The following TAAR9 variants were observed in gnomAD, a reference collection of about 807,000 sequenced individuals.
TAAR9 encodes trace amine associated receptor 9, also known as trace amine-associated receptor 9.
For missense variants in TAAR9, 453 were observed against 409.4 expected (o/e 1.11, Z -0.92); for synonymous variants, 162 against 152.6 (o/e 1.06, Z -0.45).
chr6:132,539,291 T>C (rs1310242640), exon 1 of TAAR9: 1 of 1,612,448 alleles, frequency 6.2e-7, no homozygotes, highest in Non-Finnish European at 8.5e-7. Context: ...TAAGGACTGA[T>C]TCGTCAACAA....
chr6:132,538,843 C>T (rs754573179), exon 1 of TAAR9: 1 of 1,613,694 alleles, frequency 6.2e-7, no homozygotes, highest in African/African-American at 1.3e-5. Context: ...GTTGCTCTAA[C>T]CTGTGTAGGA....
exon 1 of TAAR9, chr6:132,538,787 G>T (rs200294954): frequency 6.2e-7 from 1 of 1,613,736 alleles, no homozygotes; most frequent in East Asian, 2.2e-5. Context: ...ACAGCTTTTC[G>T]ATCTTTTACA....
chr6:132,538,940 C>T, exon 1 of TAAR9: 3 of 1,562,354 alleles, frequency 1.9e-6, no homozygotes, highest in Non-Finnish European at 2.6e-6. Flanking sequence ...TGTTTATATA[C>T]AGTAAGATAT....
Position 132,538,860 on chromosome 6 carries a change from C to T in TAAR9, c.571C>T (p.Gln191Ter). 3 of 1,613,188 alleles carry T rather than the reference C, an allele frequency of 1.9e-6. No individual in the cohort carries two copies. The highest frequency in any genetic ancestry group is 2.5e-6 in the Non-Finnish European group (3 of 1,179,650). ...TGCTCTAACCTGTGTAGGAGGCTGC[C>T]AGGCTCCACTGAATCAAAACTGGGT... is the stretch of plus-strand genomic sequence containing the variant. The change falls in exon 1 of 1, where the codon CAG becomes TAG. Residue 191 changes from glutamine (Q) to a stop codon, truncating the protein, a stop_gained. Coordinates refer to ENST00000434551, the Ensembl canonical transcript of TAAR9. LOFTEE classifies it low-confidence loss of function (END_TRUNC).
At chr6:132,538,615 C>T in exon 1 of TAAR9, 1 of 1,588,888 alleles carries the variant, frequency 6.3e-7, no homozygotes, top group Non-Finnish European at 8.6e-7. Context: ...AAATTCCATA[C>T]ATGTTTTGAC....
At chr6:132,538,982 A>G (rs989086350) in exon 1 of TAAR9, 5 of 1,536,306 alleles carry the variant, frequency 3.3e-6, no homozygotes, top group Non-Finnish European at 3.5e-6. Flanking sequence ...CTAGGAAGAT[A>G]GAAAGTACAG....
In TAAR9 at chr6:132,538,404, C is replaced by G. The variant is rs765531016; in HGVS notation, c.115C>G (p.Leu39Val). 6.8e-6 allele frequency: 11 copies of G among 1,613,794 alleles called. No homozygotes were observed. Among genetic ancestry groups the G allele is most frequent in the Non-Finnish European group, 9.3e-6 (11 of 1,179,824 alleles). ...TCCTCGATCTATCCTCTACGCCGTC[C>G]TTGGTTTTGGGGCTGTGCTGGCAGC... is the stretch of plus-strand genomic sequence containing the variant. Residue 39 changes from leucine to valine, a missense_variant, in exon 1 of 1, where the codon CTT becomes GTT. By Grantham distance (32) the Leu-to-Val change is conservative. Coordinates refer to ENST00000434551, the Ensembl canonical transcript of TAAR9.
chr6:132,538,694 T>C, exon 1 of TAAR9: 1 of 1,613,324 alleles, frequency 6.2e-7, no homozygotes, highest in South Asian at 1.1e-5. Flanking sequence ...TTGCTGTTAC[T>C]GATCCTCTGA....
chr6:132,538,904 A>G, exon 1 of TAAR9: 3 of 1,606,026 alleles, frequency 1.9e-6, no homozygotes, highest in Non-Finnish European at 2.5e-6. Context: ...GTTTTCTTCT[A>G]TTCTTTATAC....
chr6:132,539,001 GCTCAGTCCTC>G lies in TAAR9; in HGVS notation c.718_727del (p.Ser240ArgfsTer7). 1 of 1,532,328 alleles carries G rather than the reference GCTCAGTCCTC, an allele frequency of 6.5e-7. No homozygotes were observed. The highest frequency in any genetic ancestry group is 1.3e-5 in the South Asian group (1 of 75,262). 94.9% of individuals were successfully genotyped at this position (1,532,328 alleles called of 1,614,324 possible). A position where few individuals can be genotyped will look rare whatever the true frequency, so the allele number is the denominator to read the frequency against. On this transcript the variant is annotated frameshift_variant, in exon 1 of 1. Coordinates refer to ENST00000434551, the Ensembl canonical transcript of TAAR9. LOFTEE classifies it low-confidence loss of function (END_TRUNC). ...GAAGATAGAAAGTACAGCCAGCCAAGCTCAGTCCTCCTCAGAGAGTTACAAGGAAAGAGTA... is the reference window on the plus strand; with the variant it reads ...GAAGATAGAAAGTACAGCCAGCCAAGCTCAGAGAGTTACAAGGAAAGAGTA...
exon 1 of TAAR9, chr6:132,539,037 G>A: frequency 1.3e-6 from 2 of 1,528,760 alleles, no homozygotes; most frequent in Non-Finnish European, 1.7e-6. Context: ...GGAAAGAGTA[G>A]CAAAAAGAGA....
chr6:132,538,979 G>T, exon 1 of TAAR9: 1 of 1,537,510 alleles, frequency 6.5e-7, no homozygotes, highest in Non-Finnish European at 8.7e-7. Context: ...AGGCTAGGAA[G>T]ATAGAAAGTA....
Position 132,539,293 on chromosome 6 carries a change from C to T in TAAR9, c.1004C>T (p.Ser335Leu), listed in dbSNP as rs61741985. ...AGCGGCAAGGTCTTAAGGACTGATT[C>T]GTCAACAACTAATTTATTTTCTGAA... The change falls in exon 1 of 1, where the codon TCG (serine) becomes TTG (leucine). Residue 335 changes from serine to leucine, a missense_variant. Ser to Leu is a moderately radical substitution (Grantham distance 145). Transcript: ENST00000434551. 5.4e-3 allele frequency: 8,766 copies of T among 1,611,746 alleles called. 344 individuals are homozygous for T. The African/African-American group carries it at 0.095, about 17-fold the overall frequency.
Position 132,538,515 on chromosome 6 carries a change from T to C in TAAR9, c.226T>C (p.Cys76Arg), listed in dbSNP as rs762352256. 1.9e-6 allele frequency: 3 copies of C among 1,612,868 alleles called. No individual in the cohort carries two copies. In the South Asian group the frequency reaches 3.3e-5, roughly 18 times the overall value. The change falls in exon 1 of 1, where the codon TGT (cysteine) becomes CGT (arginine). Residue 76 changes from cysteine (C) to arginine (R), a missense_variant. By Grantham distance (180) the Cys-to-Arg change is radical. Coordinates refer to ENST00000434551, the Ensembl canonical transcript of TAAR9. ...AAACTTTCTGATTGCGTCGCTGGCC[T>C]GTGCTGACTTCTTGGTGGGAGTCAC... is the stretch of plus-strand genomic sequence containing the variant.
At chr6:132,538,469 C>T in exon 1 of TAAR9, 1 of 1,613,578 alleles carries the variant, frequency 6.2e-7, no homozygotes, top group Non-Finnish European at 8.5e-7. Context: ...TCCTTCACTT[C>T]AAACAACTGC....
exon 1 of TAAR9, chr6:132,538,498 T>C: frequency 6.2e-7 from 1 of 1,613,204 alleles, no homozygotes; most frequent in Non-Finnish European, 8.5e-7. Flanking sequence ...ACAAACTTTC[T>C]GATTGCGTCG....
At position 132,538,636 on chromosome 6, in the gene TAAR9, G is replaced by GT; in HGVS notation, c.351dup (p.Ala118CysfsTer12). 6.3e-7 allele frequency: 1 copy of GT among 1,597,032 alleles called. No homozygotes were observed. The highest frequency in any genetic ancestry group is 8.5e-7 in the Non-Finnish European group (1 of 1,171,720). ...CATACATGTTTTGACACATCCTTCT[G>GT]TTTTGCTTCTTTATTTCATTTATGC... On this transcript the variant is annotated frameshift_variant, in exon 1 of 1. Transcript: ENST00000434551. LOFTEE classifies it low-confidence loss of function (END_TRUNC).
rs373315885 is a variant in TAAR9, at chr6:132,538,316, G to A, written c.27G>A (p.Glu9=). The change falls in exon 1 of 1, where the codon GAG becomes GAA. Residue 9 remains glutamate (E), a synonymous_variant. Coordinates refer to ENST00000434551, the Ensembl canonical transcript of TAAR9. ...TGGTGAACAATTTCTCCCAAGCTGA[G>A]GCTGTGGAGCTGTGTTACAAGAACG... 5.7e-5 allele frequency: 91 copies of A among 1,604,276 alleles called. No homozygotes were observed. The African/African-American group carries it at 7.6e-4, about 13-fold the overall frequency.
exon 1 of TAAR9, chr6:132,538,870 T>C (rs1470824304): frequency 1.7e-5 from 28 of 1,613,210 alleles, no homozygotes; most frequent in African/African-American, 2.7e-5. Flanking sequence ...CAGGCTCCAC[T>C]GAATCAAAAC....
Sources: gnomAD v4.1 joint callset for allele counts on GRCh38, gnomAD v4.1.1 for gene constraint, MANE v1.5 for transcripts, NCBI Gene and HGNC (gene_info 2026-07-23, HGNC 2026-07-21) for gene names.